The following EYA2 variants were observed in gnomAD, a reference collection of about 807,000 sequenced individuals.
The protein encoded by EYA2 is protein phosphatase EYA2.
EYA2 carries 31 observed loss-of-function variants against 69.2 expected under a neutral mutation model. The observed-to-expected ratio is 0.45, with a 90% confidence interval of 0.34 to 0.60. The LOEUF (loss-of-function observed/expected upper bound fraction) is 0.60. Ranked by LOEUF, EYA2 falls within the 20% of genes least tolerant of loss-of-function variation. EYA2 has a pLI of 0.02. For synonymous variants in EYA2, 257 were observed against 279.4 expected (o/e 0.92, Z 0.80); for missense variants, 622 against 701.2 (o/e 0.89, Z 1.28).
At chr20:47,180,144 G>A (rs1345591912) in intron 13 of EYA2, among the ~76,000 whole-genome samples, 6 of 151,814 alleles carry the variant, frequency 4.0e-5, no homozygotes, top group Non-Finnish European at 8.8e-5. Context: ...GCAATTCTCC[G>A]GCCTCAGCCT....
chr20:47,186,348 C>CTTTTT (rs765874138), intron 15 of EYA2, among the ~76,000 whole-genome samples: 48 of 72,292 alleles, frequency 6.6e-4, no homozygotes, highest in Non-Finnish European at 1.1e-3. Context: ...AGCACTTATT[C>CTTTTT]TTTTTTTTTT....
chr20:47,082,954 G>A (rs997048400), intron 7 of EYA2, among the ~76,000 whole-genome samples: 1 of 152,002 alleles, frequency 6.6e-6, no homozygotes, highest in Non-Finnish European at 1.5e-5. Context: ...AGCACTTTGG[G>A]AGGCCGAAGA....
chr20:47,048,932 C>T (rs192087626), intron 5 of EYA2, among the ~76,000 whole-genome samples: 1 of 152,186 alleles, frequency 6.6e-6, no homozygotes, highest in African/African-American at 2.4e-5. Context: ...TCCAGCATTT[C>T]TGAGTTCCAA....
intron 9 of EYA2, among the ~76,000 whole-genome samples, chr20:47,117,144 C>T (rs2032919387): frequency 6.6e-6 from 1 of 152,200 alleles, no homozygotes; most frequent in African/African-American, 2.4e-5. Context: ...TCCCCAGTAG[C>T]TGGGACCACA....
intron 9 of EYA2, among the ~76,000 whole-genome samples, chr20:47,135,998 C>A (rs529451586): frequency 1.3e-5 from 2 of 151,968 alleles, no homozygotes; most frequent in East Asian, 3.9e-4. Context: ...GCCTGGGTGA[C>A]ATAGGTAGTA....
intron 1 of EYA2, among the ~76,000 whole-genome samples, chr20:46,933,045 A>G (rs999365870): frequency 2.0e-5 from 3 of 151,732 alleles, no homozygotes; most frequent in African/African-American, 7.3e-5. Context: ...AGTCAATTAA[A>G]CCTCCTTTAT....
chr20:47,163,052 CAG>C (rs2034103777), intron 10 of EYA2, among the ~76,000 whole-genome samples: 1 of 144,978 alleles, frequency 6.9e-6, no homozygotes, highest in African/African-American at 2.6e-5. Context: ...TTTTTTTAAA[CAG>C]AGTCTTGCTC....
chr20:47,065,514 A>T (rs765474621), intron 5 of EYA2, among the ~76,000 whole-genome samples: 4 of 152,194 alleles, frequency 2.6e-5, no homozygotes, highest in African/African-American at 9.7e-5. Flanking sequence ...AAAAAAAATT[A>T]TAAAAGAACC....
intron 10 of EYA2, among the ~76,000 whole-genome samples, chr20:47,151,123 C>A (rs2033814400): frequency 1.3e-5 from 2 of 151,984 alleles, no homozygotes; most frequent in South Asian, 4.2e-4. Flanking sequence ...GTAATCCCAG[C>A]ACTTTGGAAG....
chr20:47,000,433 C>T (rs1982291664), intron 2 of EYA2, among the ~76,000 whole-genome samples: 1 of 152,170 alleles, frequency 6.6e-6, no homozygotes, highest in Admixed American at 6.5e-5. Flanking sequence ...GAGGCAGGCT[C>T]AGAGCTCCAC....
intron 1 of EYA2, among the ~76,000 whole-genome samples, chr20:46,958,460 C>A (rs1979268738): frequency 1.3e-5 from 2 of 149,900 alleles, no homozygotes; most frequent in South Asian, 4.3e-4. Flanking sequence ...GAAAAAAAAA[C>A]ATGAACATGT....
At chr20:46,958,315 A>G (rs1979258106) in intron 1 of EYA2, among the ~76,000 whole-genome samples, 1 of 152,130 alleles carries the variant, frequency 6.6e-6, no homozygotes, top group African/African-American at 2.4e-5. Flanking sequence ...CTAAACTTTA[A>G]CCAAACCTTG....
intron 1 of EYA2, among the ~76,000 whole-genome samples, chr20:46,917,263 G>A (rs1215038677): frequency 6.6e-6 from 1 of 152,188 alleles, no homozygotes; most frequent in Non-Finnish European, 1.5e-5. Context: ...CTAGCAGAGT[G>A]CCAGGCACGC....
At chr20:46,899,555 GT>G (rs756710672) in intron 1 of EYA2, among the ~76,000 whole-genome samples, 113 of 152,344 alleles carry the variant, frequency 7.4e-4, no homozygotes, top group Non-Finnish European at 7.8e-4. Flanking sequence ...AAACATTACG[GT>G]AGGCGCAGCC....
chr20:47,030,283 A>G (rs1984330776), intron 5 of EYA2, among the ~76,000 whole-genome samples: 1 of 152,238 alleles, frequency 6.6e-6, no homozygotes, highest in African/African-American at 2.4e-5. Context: ...ACTAAATGCC[A>G]CTAGTTCCTC....
chr20:47,022,594 A>G (rs1171484292), intron 5 of EYA2, among the ~76,000 whole-genome samples: 3 of 151,138 alleles, frequency 2.0e-5, no homozygotes, highest in Non-Finnish European at 2.9e-5. Flanking sequence ...GATTACAGGC[A>G]TGAGCCACTG....
chr20:47,113,824 C>T (rs564555478), intron 9 of EYA2, among the ~76,000 whole-genome samples: 1 of 151,536 alleles, frequency 6.6e-6, no homozygotes, highest in Non-Finnish European at 1.5e-5. Context: ...CTGCCTCAGA[C>T]ACAGCTGAGC....
intron 5 of EYA2, among the ~76,000 whole-genome samples, chr20:47,037,824 A>C (rs1984808123): frequency 6.6e-6 from 1 of 152,162 alleles, no homozygotes; most frequent in Non-Finnish European, 1.5e-5. Flanking sequence ...CTGCTTAGCA[A>C]CCTTAATTCC....
intron 15 of EYA2, among the ~76,000 whole-genome samples, chr20:47,184,934 C>T (rs1398536564): frequency 6.6e-6 from 1 of 152,172 alleles, no homozygotes; most frequent in Non-Finnish European, 1.5e-5. Flanking sequence ...ACCCACCACA[C>T]ACAGAACTCC....
Sources: gnomAD v4.1 joint callset for allele counts (sites outside exome capture counted in the v4.1 genomes callset) on GRCh38, gnomAD v4.1.1 for gene constraint, MANE v1.5 for transcripts, NCBI Gene and HGNC (gene_info 2026-07-23, HGNC 2026-07-21) for gene names.